PRORP: variants seen among roughly 807,000 people sequenced by gnomAD.
The protein encoded by PRORP is mitochondrial ribonuclease P catalytic subunit.
Under a neutral mutation model 59.4 loss-of-function variants are expected in PRORP, and 51 were observed. That is an observed-to-expected ratio of 0.86 (90% CI 0.69 to 1.08). PRORP has a LOEUF of 1.08. Among genes scored for constraint, PRORP ranks in the 50% least tolerant of loss-of-function variants. The pLI is 0.00. For missense variants in PRORP, 646 were observed against 690.3 expected (o/e 0.94, Z 0.72); for synonymous variants, 231 against 245.6 (o/e 0.94, Z 0.55).
intron 5 of PRORP, among the ~76,000 whole-genome samples, chr14:35,239,730 T>G (rs914954512): frequency 6.6e-6 from 1 of 152,226 alleles, no homozygotes; most frequent in African/African-American, 2.4e-5. Context: ...TGTCCTGCCC[T>G]GTACAACTAA....
intron 5 of PRORP, among the ~76,000 whole-genome samples, chr14:35,256,326 CTT>C (rs1178856754): frequency 4.8e-5 from 4 of 82,810 alleles, no homozygotes; most frequent in East Asian, 3.1e-4. Context: ...TTGTGCGTAT[CTT>C]TTTTTTTTTT....
chr14:35,245,408 C>T (rs552857467), intron 5 of PRORP, among the ~76,000 whole-genome samples: 7 of 152,150 alleles, frequency 4.6e-5, no homozygotes, highest in Admixed American at 1.3e-4. Context: ...TTTGGGAGGC[C>T]GAGGCGGGCA....
At chr14:35,231,772 G>T (rs2050087880) in intron 5 of PRORP, among the ~76,000 whole-genome samples, 1 of 152,126 alleles carries the variant, frequency 6.6e-6, no homozygotes, top group Admixed American at 6.5e-5. Flanking sequence ...AATTTGATAT[G>T]TGTTTATGGA....
rs879648835 is a variant in PRORP, at chr14:35,239,524, CG to C, written c.1276-27202del. ...ATTAAGAGTTTATTAGATCAGGCAA[CG>C]AGCTGGTGAAGAACAAGAACAGACT... On this transcript the variant is annotated intron_variant, in intron 5 of 7. Transcript: ENST00000534898. Among the ~76,000 whole-genome samples, 984 of 152,186 alleles carry C rather than the reference CG, an allele frequency of 6.5e-3. 4 individuals carry two copies. Among genetic ancestry groups the C allele is most frequent in the Non-Finnish European group, 9.7e-3 (659 of 68,010 alleles).
intron 5 of PRORP, among the ~76,000 whole-genome samples, chr14:35,194,670 C>G (rs1444138324): frequency 6.6e-6 from 1 of 152,098 alleles, no homozygotes; most frequent in African/African-American, 2.4e-5. Flanking sequence ...TATCCCAGAA[C>G]TTAAAGTATA....
chr14:35,161,033 A>G (rs2048046112), intron 4 of PRORP, among the ~76,000 whole-genome samples: 1 of 151,818 alleles, frequency 6.6e-6, no homozygotes, highest in Non-Finnish European at 1.5e-5. Context: ...CAGTTAGGTT[A>G]TGGGTCCTTT....
At chr14:35,227,516 T>C (rs1266188174) in intron 5 of PRORP, among the ~76,000 whole-genome samples, 1 of 152,170 alleles carries the variant, frequency 6.6e-6, no homozygotes, top group Non-Finnish European at 1.5e-5. Context: ...GGAAATCATC[T>C]GTGCTTTCCT....
chr14:35,194,985 CAT>C (rs1273518913), intron 5 of PRORP, among the ~76,000 whole-genome samples: 2 of 3,142 alleles, frequency 6.4e-4, no homozygotes, highest in Non-Finnish European at 0.016. Context: ...TCCTCTCACA[CAT>C]GATTTTGTTT....
intron 4 of PRORP, among the ~76,000 whole-genome samples, chr14:35,128,696 C>T (rs1410499303): frequency 2.0e-5 from 3 of 152,004 alleles, no homozygotes; most frequent in Admixed American, 1.3e-4. Context: ...TCTTTTTCAT[C>T]TCTGATTTTA....
rs1181163254 is a variant in PRORP, at chr14:35,140,155, C to T, written c.1167+12544C>T. On this transcript the variant is annotated intron_variant, in intron 4 of 7. Coordinates refer to ENST00000534898, the MANE Select transcript of PRORP (RefSeq NM_014672.4). ...TGAGGTTACACTATTCAACCTACTA[C>T]AGCTTTTTTTTTCTCTTGGGTAACT... Among the ~76,000 whole-genome samples the T allele has an allele frequency of 3.4e-5, 5 of 145,524 alleles. 1 individual carries two copies. Among genetic ancestry groups the T allele is most frequent in the Non-Finnish European group, 7.6e-5 (5 of 65,498 alleles).
chr14:35,129,479 C>CTT (rs1230052932), intron 4 of PRORP, among the ~76,000 whole-genome samples: 3 of 140,906 alleles, frequency 2.1e-5, no homozygotes, highest in South Asian at 2.2e-4. Context: ...TTGTATTTTT[C>CTT]TTTTTTTTTT....
At chr14:35,179,384 A>G (rs7157780) in intron 4 of PRORP, among the ~76,000 whole-genome samples, 89,487 of 152,010 alleles carry the variant, frequency 0.59, 26,491 homozygotes, top group East Asian at 0.69. Context: ...CCAATCAGAC[A>G]TAGATTTGGT....
At chr14:35,259,577 T>C (rs1393968419) in intron 5 of PRORP, among the ~76,000 whole-genome samples, 1 of 152,208 alleles carries the variant, frequency 6.6e-6, no homozygotes, top group South Asian at 2.1e-4. Context: ...TTTATTTCTT[T>C]ATAATGGCTT....
At chr14:35,132,077 G>C (rs963938107) in intron 4 of PRORP, among the ~76,000 whole-genome samples, 4 of 151,900 alleles carry the variant, frequency 2.6e-5, no homozygotes, top group African/African-American at 9.7e-5. Context: ...GACCTGAGGT[G>C]ATCCGTCCGC....
At chr14:35,216,143 T>A (rs970132388) in intron 5 of PRORP, among the ~76,000 whole-genome samples, 2 of 147,968 alleles carry the variant, frequency 1.4e-5, no homozygotes, top group African/African-American at 4.9e-5. Flanking sequence ...TATATTTATA[T>A]AATACATTTA....
At chr14:35,252,636 C>T (rs1051453300) in intron 5 of PRORP, among the ~76,000 whole-genome samples, 3 of 152,102 alleles carry the variant, frequency 2.0e-5, no homozygotes, top group African/African-American at 4.8e-5. Context: ...TACGTGTCTG[C>T]AGTCAGCTCC....
In PRORP at chr14:35,273,710, T is replaced by C; in HGVS notation, c.*144T>C. ...AACAGCATTGACATTGATTTTTTAA[T>C]GAAATGAGATATATCTTTTCATAAC... On this transcript the variant is annotated 3_prime_UTR_variant, in exon 8 of 8. Coordinates refer to ENST00000534898, the MANE Select transcript of PRORP (RefSeq NM_014672.4). 6.0e-6 allele frequency: 4 copies of C among 669,500 alleles called. No homozygotes were observed. The highest frequency in any genetic ancestry group is 9.0e-6 in the Non-Finnish European group (4 of 442,830). The allele number at this position is 669,500 out of a possible 1,614,324, so 41.5% of individuals were successfully genotyped here.
chr14:35,208,375 A>G (rs527759443), intron 5 of PRORP, among the ~76,000 whole-genome samples: 1 of 152,280 alleles, frequency 6.6e-6, no homozygotes, highest in South Asian at 2.1e-4. Context: ...CAGGAGTTCA[A>G]GGCCTGACGG....
At chr14:35,268,217 G>C (rs553850882) in intron 6 of PRORP, among the ~76,000 whole-genome samples, 8 of 151,870 alleles carry the variant, frequency 5.3e-5, no homozygotes, top group African/African-American at 1.7e-4. Context: ...GGTGGCACAC[G>C]CCTTGTAGTC....
Sources: allele counts gnomAD v4.1 joint callset (sites outside exome capture counted in the v4.1 genomes callset), GRCh38; gene constraint gnomAD v4.1.1; transcripts MANE v1.5; gene names NCBI Gene and HGNC (gene_info 2026-07-23, HGNC 2026-07-21).